CC2D1B: variants seen among roughly 807,000 people sequenced by gnomAD.
CC2D1B encodes coiled-coil and C2 domain-containing protein 1B.
CC2D1B carries 92 observed loss-of-function variants against 110.8 expected under a neutral mutation model. That is an observed-to-expected ratio of 0.83 (90% confidence interval 0.70 to 0.99). CC2D1B has a LOEUF of 0.99. Among genes scored for constraint, CC2D1B ranks in the 50% least tolerant of loss-of-function variants. The probability of loss-of-function intolerance (pLI) is 0.00; values close to 1 mark genes in which losing one functional copy is unlikely to be tolerated. For synonymous variants in CC2D1B, 406 were observed against 429.2 expected (o/e 0.95, Z 0.67); for missense variants, 1,136 against 1,089.0 (o/e 1.04, Z -0.61).
At chr1:52,355,182 A>T (rs1319782184) in intron 21 of CC2D1B, among the ~76,000 whole-genome samples, 1 of 152,236 alleles carries the variant, frequency 6.6e-6, no homozygotes, top group Non-Finnish European at 1.5e-5. Flanking sequence ...TCCTGTGTTC[A>T]TATCCCATTT....
Position 52,359,124 on chromosome 1 carries a change from G to A in CC2D1B, c.1160C>T (p.Ala387Val), listed in dbSNP as rs1646721571. Residue 387 changes from alanine to valine, a missense_variant, in exon 11 of 25, where the codon GCC (alanine) becomes GTC (valine). Coordinates refer to ENST00000284376, the MANE Select transcript of CC2D1B (RefSeq NM_001330585.2). ...GTACTTGTTCAGCCTCTGCTGCAGG[G>A]CATCCAGCACTGTCTGTGACTCTGT... ...APTESQTVLDALQQRLNKYRE... is the reference protein window; with the variant it reads ...APTESQTVLDVLQQRLNKYRE... 6.2e-7 allele frequency: 1 copy of A among 1,610,774 alleles called. No individual in the cohort carries two copies.
rs41294494 is a variant in CC2D1B at position 52,353,306 on chromosome 1, G to A, written c.*2-83C>T. Reference sequence around the variant, plus strand: ...TTTTAGAAAGGGTTTCCTGAAGATAGATAGATAGATAGATAGTTAAACCTT... The same window carrying A: ...TTTTAGAAAGGGTTTCCTGAAGATAAATAGATAGATAGATAGTTAAACCTT... On this transcript the variant is annotated intron_variant, in intron 24 of 24. Transcript: ENST00000284376. 9,817 of 1,464,140 alleles carry A rather than the reference G, an allele frequency of 6.7e-3. 50 individuals are homozygous for A. The highest frequency in any genetic ancestry group is 8.0e-3 in the Non-Finnish European group (8,787 of 1,104,278). The allele number at this position is 1,464,140 out of a possible 1,614,324, so 90.7% of individuals were successfully genotyped here.
chr1:52,353,403 G>C, intron 24 of CC2D1B, 115 bp downstream of exon 24: 1 of 1,522,096 alleles, frequency 6.6e-7, no homozygotes. Context: ...TACCCAGCAT[G>C]GTAGGTCTTT....
Position 52,361,609 on chromosome 1 carries a change from C to G in CC2D1B, c.222G>C (p.Leu74=). Reference sequence around the variant, plus strand: ...CCAACTTCTCGATGTGGGCCATGGGCAGGGGGGCTGGGGGAAAAAGGTCAC... The same window carrying G: ...CCAACTTCTCGATGTGGGCCATGGGGAGGGGGGCTGGGGGAAAAAGGTCAC... ...KKPAPKGQAP[L]PMAHIEKLAA... is the part of the protein sequence containing the mutation. Residue 74 remains leucine, a synonymous_variant, in exon 4 of 25, where the codon CTG becomes CTC. Transcript: ENST00000284376. 1 of 1,613,766 alleles carries G rather than the reference C, an allele frequency of 6.2e-7. No homozygotes were observed. Among genetic ancestry groups the G allele is most frequent in the Non-Finnish European group, 8.5e-7 (1 of 1,180,004 alleles).
Position 52,350,835 on chromosome 1 carries a change from T to A in CC2D1B, c.*2390A>T, listed in dbSNP as rs1265668462. 1 of 152,316 alleles carries A rather than the reference T, an allele frequency of 6.6e-6. No homozygotes were observed. Among genetic ancestry groups the A allele is most frequent in the Non-Finnish European group, 1.5e-5 (1 of 68,116 alleles). 9.4% of individuals were successfully genotyped at this position (152,316 alleles called of 1,614,324 possible). On this transcript the variant is annotated 3_prime_UTR_variant, in exon 25 of 25. Transcript: ENST00000284376. ...ATCGAGGCTCACTGCAACCTCTGCT[T>A]CCTGGGCTCAAGGGATTCGTGTGTC...
In CC2D1B at chr1:52,356,306, A is replaced by C; in HGVS notation, c.1938-4T>G. On this transcript the variant is annotated splice_polypyrimidine_tract_variant and splice_region_variant and intron_variant, in intron 17 of 24. Transcript: ENST00000284376. ...GTCCTGAGCAAGCTTCTCAAATCTG[A>C]CAGGGATGGGTATGTCAGCATGATG... is the stretch of plus-strand genomic sequence containing the variant. 1 of 1,614,132 alleles carries C rather than the reference A, an allele frequency of 6.2e-7. No individual in the cohort carries two copies.
In CC2D1B at chr1:52,352,665, T is replaced by TAA. The variant is rs1416156823; in HGVS notation, c.*558_*559dup. ...ACCAAAAACAACTTTCCCCCTCCAC[T>TAA]AAGTCCTTAGGGAAGCAGGAAGGCT... On this transcript the variant is annotated 3_prime_UTR_variant, in exon 25 of 25. Transcript: ENST00000284376. 2.6e-5 allele frequency: 4 copies of TAA among 152,714 alleles called. No homozygotes were observed. Among genetic ancestry groups the TAA allele is most frequent in the Admixed American group, 2.0e-4 (3 of 15,298 alleles). The allele number at this position is 152,714 out of a possible 1,614,324, so 9.5% of individuals were successfully genotyped here.
intron 2 of CC2D1B, among the ~76,000 whole-genome samples, chr1:52,363,256 G>A (rs1004756593): frequency 1.4e-4 from 22 of 152,074 alleles, no homozygotes; most frequent in Non-Finnish European, 2.6e-4. Context: ...TTAGCCGGGC[G>A]CGGTGGCGGG....
At chr1:52,356,111 T>C in intron 18 of CC2D1B, 75 bp downstream of exon 18, 1 of 1,298,376 alleles carries the variant, frequency 7.7e-7, no homozygotes, top group South Asian at 1.2e-5. Flanking sequence ...ACTAAAGGGG[T>C]AGCAGTCTCT....
chr1:52,354,543 G>T, intron 23 of CC2D1B, 65 bp downstream of exon 23: 2 of 1,247,850 alleles, frequency 1.6e-6, no homozygotes, highest in Non-Finnish European at 2.4e-6. Context: ...ACAAGGTGTG[G>T]CATTCAGTGC....
chr1:52,353,484 G>A (rs1646571059), intron 24 of CC2D1B, 34 bp downstream of exon 24: 2 of 1,584,062 alleles, frequency 1.3e-6, no homozygotes, highest in Admixed American at 1.9e-5. Context: ...AAAAGGAGGG[G>A]GCAAAGGTTC....
Position 52,353,033 on chromosome 1 carries a change from TTCTG to T in CC2D1B, c.*188_*191del. On this transcript the variant is annotated 3_prime_UTR_variant, in exon 25 of 25. Coordinates refer to ENST00000284376, the MANE Select transcript of CC2D1B (RefSeq NM_001330585.2). ...GATGGGCTCCTGGAACCCAGCCTGT[TTCTG>T]TAGAGCCCCAGAGGGGCCAACAACA... 2.1e-6 allele frequency: 1 copy of T among 478,414 alleles called. No individual in the cohort carries two copies. The highest frequency in any genetic ancestry group is 3.7e-6 in the Non-Finnish European group (1 of 269,444). 29.6% of individuals were successfully genotyped at this position (478,414 alleles called of 1,614,324 possible).
chr1:52,361,129 C>A lies in CC2D1B; in HGVS notation c.322G>T (p.Glu108Ter). 6.2e-7 allele frequency: 1 copy of A among 1,614,062 alleles called. No homozygotes were observed. The highest frequency in any genetic ancestry group is 2.2e-5 in the East Asian group (1 of 44,876). The change falls in exon 5 of 25, where the codon GAG becomes TAG. Residue 108 changes from glutamate to a stop codon, truncating the protein, a stop_gained. Transcript: ENST00000284376. LOFTEE classifies it high-confidence loss of function. ...TCCACACCTAAGACCTCCTGCAGCT[C>A]CGTCTAGGGAGACAAAACACAGCCC... is the stretch of plus-strand genomic sequence containing the variant. ...GLEEDAELLT[E>*]LQEVLGVDEE... is the part of the protein sequence containing the mutation.
At chr1:52,353,702 G>C (rs937826393) in intron 23 of CC2D1B, 55 bp from the exon 24 acceptor site, 1 of 1,342,392 alleles carries the variant, frequency 7.4e-7, no homozygotes, top group Non-Finnish European at 1.0e-6. Flanking sequence ...ATGGGGAGCA[G>C]GCAGGTCCCT....
intron 13 of CC2D1B, 140 bp downstream of exon 13, chr1:52,358,191 C>A: frequency 3.2e-6 from 4 of 1,255,284 alleles, no homozygotes; most frequent in Non-Finnish European, 4.3e-6. Flanking sequence ...AGCTGGGTGT[C>A]CTTGGGCAAG....
intron 15 of CC2D1B, 100 bp downstream of exon 15, chr1:52,357,426 C>G: frequency 7.7e-7 from 1 of 1,295,498 alleles, no homozygotes; most frequent in Non-Finnish European, 1.1e-6. Flanking sequence ...CTGTCCAAAC[C>G]CTGCCTCATC....
At chr1:52,356,540 TA>T (rs1646657074) in intron 16 of CC2D1B, 98 bp from the exon 17 acceptor site, 4 of 1,266,698 alleles carry the variant, frequency 3.2e-6, no homozygotes, top group Admixed American at 1.7e-5. Flanking sequence ...CTTTCCTCTG[TA>T]GCCTCACCTC....
chr1:52,358,646 AC>A (rs1646707261), intron 12 of CC2D1B, 39 bp downstream of exon 12: 1 of 1,600,470 alleles, frequency 6.2e-7, no homozygotes, highest in Non-Finnish European at 8.6e-7. Context: ...TTGCCCAGGG[AC>A]CACCTCCTCA....
Position 52,360,417 on chromosome 1 carries a change from G to T in CC2D1B, c.603+7C>A. 5 of 1,612,972 alleles carry T rather than the reference G, an allele frequency of 3.1e-6. No homozygotes were observed. The South Asian group carries it at 4.4e-5, about 14-fold the overall frequency. On this transcript the variant is annotated splice_region_variant and intron_variant, in intron 6 of 24. Coordinates refer to ENST00000284376, the MANE Select transcript of CC2D1B (RefSeq NM_001330585.2). ...CCCTGCCCTGCTCCCAGCCTAGCCC[G>T]ACTCACCTTCAGGCCGCGCTCGCAG...
Sources: gnomAD v4.1 joint callset for allele counts (sites outside exome capture counted in the v4.1 genomes callset) on GRCh38, gnomAD v4.1.1 for gene constraint, MANE v1.5 for transcripts, NCBI Gene and HGNC (gene_info 2026-07-23, HGNC 2026-07-21) for gene names.